TMUB1: variants seen among roughly 807,000 people sequenced by gnomAD.
The protein encoded by TMUB1 is transmembrane and ubiquitin-like domain-containing protein 1.
A neutral mutation model predicts 16.2 loss-of-function variants in TMUB1; 9 were observed. The ratio of observed to expected loss-of-function variants is 0.55; its 90% CI spans 0.33 to 0.97. The LOEUF (loss-of-function observed/expected upper bound fraction) is 0.97. Ranked by LOEUF, TMUB1 falls within the 50% of genes least tolerant of loss-of-function variation. TMUB1 has a pLI of 0.03. For synonymous variants in TMUB1, 155 were observed against 152.2 expected, an observed-to-expected ratio of 1.02 and a Z score of -0.13; for missense variants, 309 against 313.5, an observed-to-expected ratio of 0.99 and a Z score of 0.11.
At position 151,081,923 on chromosome 7, in the gene TMUB1, AAG is replaced by A. The variant is rs1563394101; in HGVS notation, c.390-25_390-24del. 1.4e-6 allele frequency: 2 copies of A among 1,464,478 alleles called. No homozygotes were observed. The allele number at this position is 1,464,478 out of a possible 1,614,324, so 90.7% of individuals were successfully genotyped here. Reference sequence around the variant, plus strand: ...GTCCTGAGGAGAGAGGGACCTGGGTAAGAGAGCAGGCCTCAGGCAATCCTAGT... The same window carrying A: ...GTCCTGAGGAGAGAGGGACCTGGGTAAGAGCAGGCCTCAGGCAATCCTAGT... On this transcript the variant is annotated intron_variant, in intron 2 of 2. Coordinates refer to ENST00000297533, the MANE Select transcript of TMUB1 (RefSeq NM_001136044.2). This position sits in a 1 kb window ranked among gnomAD's most constrained non-coding sequence, Gnocchi z 7.6.
In TMUB1 at chr7:151,082,518, A is replaced by G; in HGVS notation, c.46T>C (p.Ser16Pro). The G allele has an allele frequency of 6.5e-7, 1 of 1,541,320 alleles. No individual in the cohort carries two copies. The highest frequency in any genetic ancestry group is 8.7e-7 in the Non-Finnish European group (1 of 1,143,324). ...AGCACCAGAAGGCAGGCAAGCACCGAGAAAAGGACGGTCACCTCATCACCC... is the reference window on the plus strand; with the variant it reads ...AGCACCAGAAGGCAGGCAAGCACCGGGAAAAGGACGGTCACCTCATCACCC... The part of the protein sequence containing the change: ...GVGDEVTVLF[S>P]VLACLLVLAL... Residue 16 changes from serine to proline, a missense_variant, in exon 2 of 3, where the codon TCG becomes CCG. Physicochemically the swap from Ser to Pro is moderately conservative, Grantham distance 74 (BLOSUM62 -1). Coordinates refer to ENST00000297533, the MANE Select transcript of TMUB1 (RefSeq NM_001136044.2). This position sits in a 1 kb window ranked among gnomAD's most constrained non-coding sequence, Gnocchi z 7.0.
rs1049910773 is a variant in TMUB1, at chr7:151,082,216, C to T, written c.348G>A (p.Val116=). ...TGGTGTCGTGGGGCCAGGCCCTGGC[C>T]ACCTGCTCTGAATCATTGAGGAATT... is the stretch of plus-strand genomic sequence containing the variant. ...RLKFLNDSEQ[V]ARAWPHDTIG... is the part of the protein sequence containing the mutation. The change falls in exon 2 of 3, where the codon GTG becomes GTA. Residue 116 remains valine (V), a synonymous_variant. Transcript: ENST00000297533. This position sits in a 1 kb window ranked among gnomAD's most constrained non-coding sequence, Gnocchi z 7.0. 6.5e-7 allele frequency: 1 copy of T among 1,532,036 alleles called. No homozygotes were observed. Among genetic ancestry groups the T allele is most frequent in the Non-Finnish European group, 8.8e-7 (1 of 1,138,458 alleles). 94.9% of individuals were successfully genotyped at this position (1,532,036 alleles called of 1,614,324 possible).
Position 151,082,448 on chromosome 7 carries a change from G to A in TMUB1, c.116C>T (p.Pro39Leu). The A allele has an allele frequency of 1.2e-6, 2 of 1,608,902 alleles. No individual in the cohort carries two copies. Among genetic ancestry groups the A allele is most frequent in the Non-Finnish European group, 1.7e-6 (2 of 1,177,274 alleles). ...VSTHTAEGGD[P>L]LPQPSGTPTP... is the part of the protein sequence containing the mutation. Reference sequence around the variant, plus strand: ...TGGGGTCCCTGACGGCTGGGGCAGTGGGTCCCCGCCCTCAGCGGTGTGCGT... The same window carrying A: ...TGGGGTCCCTGACGGCTGGGGCAGTAGGTCCCCGCCCTCAGCGGTGTGCGT... Residue 39 changes from proline (P) to leucine (L), a missense_variant, in exon 2 of 3, where the codon CCA becomes CTA. Physicochemically the swap from Pro to Leu is moderately conservative, Grantham distance 98. Coordinates refer to ENST00000297533, the MANE Select transcript of TMUB1 (RefSeq NM_001136044.2). The surrounding 1 kb of genome is among the most constrained non-coding windows in gnomAD (Gnocchi z 7.0).
In TMUB1 at chr7:151,082,188, C is replaced by T. The variant is rs1355911083; in HGVS notation, c.376G>A (p.Gly126Ser). 2.0e-6 allele frequency: 3 copies of T among 1,511,794 alleles called. No individual in the cohort carries two copies. The highest frequency in any genetic ancestry group is 2.7e-6 in the Non-Finnish European group (3 of 1,128,960). The allele number at this position is 1,511,794 out of a possible 1,614,324, so 93.6% of individuals were successfully genotyped here. A position where few individuals can be genotyped will look rare whatever the true frequency, so the allele number is the denominator to read the frequency against. The change falls in exon 2 of 3, where the codon GGC becomes AGC. Residue 126 changes from glycine to serine, a missense_variant. By Grantham distance (56) the Gly-to-Ser change is moderately conservative. Coordinates refer to ENST00000297533, the MANE Select transcript of TMUB1 (RefSeq NM_001136044.2). The surrounding 1 kb of genome is among the most constrained non-coding windows in gnomAD (Gnocchi z 7.0). The stretch of plus-strand genomic sequence containing the variant: ...TGACCTACTTACCTTTTCAAGGAGC[C>T]AATGGTGTCGTGGGGCCAGGCCCTG... ...VARAWPHDTI[G>S]SLKRTQFPGR...
Position 151,082,573 on chromosome 7 carries a change from C to G in TMUB1, c.-10G>C, listed in dbSNP as rs762735420. 3 of 1,486,590 alleles carry G rather than the reference C, an allele frequency of 2.0e-6. No individual in the cohort carries two copies. The highest frequency in any genetic ancestry group is 2.7e-6 in the Non-Finnish European group (3 of 1,117,832). The allele number at this position is 1,486,590 out of a possible 1,614,324, so 92.1% of individuals were successfully genotyped here. A position where few individuals can be genotyped will look rare whatever the true frequency, so the allele number is the denominator to read the frequency against. On this transcript the variant is annotated 5_prime_UTR_variant, in exon 2 of 3. Coordinates refer to ENST00000297533, the MANE Select transcript of TMUB1 (RefSeq NM_001136044.2). This position sits in a 1 kb window ranked among gnomAD's most constrained non-coding sequence, Gnocchi z 7.0. Reference sequence around the variant, plus strand: ...CTTCAATCAGGGTCATGGCGCCTGCCTTGCCCGCCGCGCTACCGAGCTGGA... The same window carrying G: ...CTTCAATCAGGGTCATGGCGCCTGCGTTGCCCGCCGCGCTACCGAGCTGGA...
In TMUB1 at chr7:151,083,423, C is replaced by G. The variant is rs1438073923; in HGVS notation, c.-31+11G>C. 1 of 152,166 alleles carries G rather than the reference C, an allele frequency of 6.6e-6. No individual in the cohort carries two copies. The highest frequency in any genetic ancestry group is 1.5e-5 in the Non-Finnish European group (1 of 68,018). 9.4% of individuals were successfully genotyped at this position (152,166 alleles called of 1,614,324 possible). A position where few individuals can be genotyped will look rare whatever the true frequency, so the allele number is the denominator to read the frequency against. On this transcript the variant is annotated intron_variant, in intron 1 of 2. Transcript: ENST00000297533. This position sits in a 1 kb window ranked among gnomAD's most constrained non-coding sequence, Gnocchi z 5.9. ...CGGCGGGGTGGGCGCGGTCACGGCG[C>G]GGGGACTCACCGCCCGGCTCCCCCA... is the stretch of plus-strand genomic sequence containing the variant.
chr7:151,082,615 G>A lies in TMUB1; in HGVS notation c.-30-22C>T. On this transcript the variant is annotated intron_variant, in intron 1 of 2. Coordinates refer to ENST00000297533, the MANE Select transcript of TMUB1 (RefSeq NM_001136044.2). The surrounding 1 kb of genome is among the most constrained non-coding windows in gnomAD (Gnocchi z 7.0). Reference sequence around the variant, plus strand: ...CGAGCTGGAGAGGCACAAAGAGCCCGTGAGGCCCGGGCCCCCTGGCCAGGA... The same window carrying A: ...CGAGCTGGAGAGGCACAAAGAGCCCATGAGGCCCGGGCCCCCTGGCCAGGA... 6.9e-7 allele frequency: 1 copy of A among 1,455,574 alleles called. No individual in the cohort carries two copies. Among genetic ancestry groups the A allele is most frequent in the Non-Finnish European group, 9.1e-7 (1 of 1,103,330 alleles). 90.2% of individuals were successfully genotyped at this position (1,455,574 alleles called of 1,614,324 possible).
rs1482204546 is a variant in TMUB1 at position 151,081,278 on chromosome 7, C to T, written c.*271G>A. On this transcript the variant is annotated 3_prime_UTR_variant, in exon 3 of 3. Transcript: ENST00000297533. The surrounding 1 kb of genome is among the most constrained non-coding windows in gnomAD (Gnocchi z 7.6). ...CGGGGCGGCCCGGCTCTGCCCGGGG[C>T]CGAGGCAGCGACAGCAGATGCCCGA... 11 of 336,144 alleles carry T rather than the reference C, an allele frequency of 3.3e-5. No individual in the cohort carries two copies. The highest frequency in any genetic ancestry group is 4.2e-5 in the Non-Finnish European group (9 of 213,254). 20.8% of individuals were successfully genotyped at this position (336,144 alleles called of 1,614,324 possible).
chr7:151,081,808 A>G lies in TMUB1; in HGVS notation c.482T>C (p.Leu161Pro). 1 of 1,571,374 alleles carries G rather than the reference A, an allele frequency of 6.4e-7. No individual in the cohort carries two copies. ...GCAGTGGAGAACGCAGTTGGGAGGG[A>G]GGTGAAGGCTGCCCAGGGTCTGGGT... Reference protein sequence around the residue: ...DDTQTLGSLHLPPNCVLHCHV... With the variant: ...DDTQTLGSLHPPPNCVLHCHV... The change falls in exon 3 of 3, where the codon CTC (leucine) becomes CCC (proline). Residue 161 changes from leucine (L) to proline (P), a missense_variant. Leu to Pro is a moderately conservative substitution (Grantham distance 98). Coordinates refer to ENST00000297533, the MANE Select transcript of TMUB1 (RefSeq NM_001136044.2). This position sits in a 1 kb window ranked among gnomAD's most constrained non-coding sequence, Gnocchi z 7.6.
Position 151,082,282 on chromosome 7 carries a change from T to C in TMUB1, c.282A>G (p.Pro94=). ...GGGGCTCCTGCGGGGAGTCCGGGGC[T>C]GGCGGTGTTGCTGTGAACCCCGTGC... ...EPSTGFTATP[P]APDSPQEPLV... Residue 94 remains proline (P), a synonymous_variant, in exon 2 of 3, where the codon CCA becomes CCG. Transcript: ENST00000297533. This position sits in a 1 kb window ranked among gnomAD's most constrained non-coding sequence, Gnocchi z 7.0. The C allele has an allele frequency of 6.3e-7, 1 of 1,593,906 alleles. No homozygotes were observed. Among genetic ancestry groups the C allele is most frequent in the Admixed American group, 1.7e-5 (1 of 57,450 alleles).
rs1563392233 is a variant in TMUB1 at position 151,081,528 on chromosome 7, T to A, written c.*21A>T. ...CAAGGTCCGGAGGGGCCGGCGACGC[T>A]GCCAAGCGCCCGCGGAGGCACTACG... On this transcript the variant is annotated 3_prime_UTR_variant, in exon 3 of 3. Coordinates refer to ENST00000297533, the MANE Select transcript of TMUB1 (RefSeq NM_001136044.2). This position sits in a 1 kb window ranked among gnomAD's most constrained non-coding sequence, Gnocchi z 7.6. The A allele has an allele frequency of 6.5e-7, 1 of 1,542,276 alleles. No homozygotes were observed. The highest frequency in any genetic ancestry group is 8.8e-7 in the Non-Finnish European group (1 of 1,141,850).
Position 151,082,770 on chromosome 7 carries a change from G to C in TMUB1, c.-30-177C>G. 2.3e-6 allele frequency: 1 copy of C among 439,284 alleles called. No homozygotes were observed. The highest frequency in any genetic ancestry group is 3.8e-6 in the Non-Finnish European group (1 of 260,026). 27.2% of individuals were successfully genotyped at this position (439,284 alleles called of 1,614,324 possible). A position where few individuals can be genotyped will look rare whatever the true frequency, so the allele number is the denominator to read the frequency against. ...CCAGTCGCCCCAAACTTGCCTCCGG[G>C]TGCCCCTTCCCATCGCCGAATCCCA... On this transcript the variant is annotated intron_variant, in intron 1 of 2. Transcript: ENST00000297533. The surrounding 1 kb of genome is among the most constrained non-coding windows in gnomAD (Gnocchi z 7.0).
In TMUB1 at chr7:151,081,436, C is replaced by T; in HGVS notation, c.*113G>A. ...TGCGGCGCAGGGCTGGGCTCCAGGG[C>T]GGCGGGAAGAGGCAGGCCGGAGAGG... On this transcript the variant is annotated 3_prime_UTR_variant, in exon 3 of 3. Transcript: ENST00000297533. This position sits in a 1 kb window ranked among gnomAD's most constrained non-coding sequence, Gnocchi z 7.6. 2 of 1,359,958 alleles carry T rather than the reference C, an allele frequency of 1.5e-6. No individual in the cohort carries two copies. The highest frequency in any genetic ancestry group is 1.9e-6 in the Non-Finnish European group (2 of 1,057,220). 84.2% of individuals were successfully genotyped at this position (1,359,958 alleles called of 1,614,324 possible).
rs759825502 is a variant in TMUB1, at chr7:151,082,243, C to G, written c.321G>C (p.Leu107=). 6.4e-7 allele frequency: 1 copy of G among 1,553,860 alleles called. No homozygotes were observed. The highest frequency in any genetic ancestry group is 8.7e-7 in the Non-Finnish European group (1 of 1,149,514). The change falls in exon 2 of 3, where the codon CTG becomes CTC. Residue 107 remains leucine (L), a synonymous_variant. Coordinates refer to ENST00000297533, the MANE Select transcript of TMUB1 (RefSeq NM_001136044.2). The surrounding 1 kb of genome is among the most constrained non-coding windows in gnomAD (Gnocchi z 7.0). ...CCTGCTCTGAATCATTGAGGAATTT[C>G]AGCCGTAGCACGAGGGGCTCCTGCG... ...DSPQEPLVLR[L]KFLNDSEQVA...
At position 151,082,260 on chromosome 7, in the gene TMUB1, G is replaced by T; in HGVS notation, c.304C>A (p.Pro102Thr). The change falls in exon 2 of 3, where the codon CCC becomes ACC. Residue 102 changes from proline to threonine, a missense_variant. Coordinates refer to ENST00000297533, the MANE Select transcript of TMUB1 (RefSeq NM_001136044.2). The surrounding 1 kb of genome is among the most constrained non-coding windows in gnomAD (Gnocchi z 7.0). ...AGGAATTTCAGCCGTAGCACGAGGG[G>T]CTCCTGCGGGGAGTCCGGGGCTGGC... ...TPPAPDSPQE[P>T]LVLRLKFLND... 3 of 1,573,284 alleles carry T rather than the reference G, an allele frequency of 1.9e-6. No homozygotes were observed. Among genetic ancestry groups the T allele is most frequent in the Non-Finnish European group, 2.6e-6 (3 of 1,158,420 alleles).
At position 151,082,083 on chromosome 7, in the gene TMUB1, G is replaced by A. The variant is rs910540307; in HGVS notation, c.389+92C>T. The A allele has an allele frequency of 2.8e-5, 41 of 1,461,966 alleles. No individual in the cohort carries two copies. The highest frequency in any genetic ancestry group is 3.6e-5 in the Non-Finnish European group (40 of 1,102,610). The allele number at this position is 1,461,966 out of a possible 1,614,324, so 90.6% of individuals were successfully genotyped here. On this transcript the variant is annotated intron_variant, in intron 2 of 2. Coordinates refer to ENST00000297533, the MANE Select transcript of TMUB1 (RefSeq NM_001136044.2). The surrounding 1 kb of genome is among the most constrained non-coding windows in gnomAD (Gnocchi z 7.0). ...GGCGCTCAGCGCCTCCAGTATAAAGGAGGGCTGGGTCTTAGGTGTCTCTGG... is the reference window on the plus strand; with the variant it reads ...GGCGCTCAGCGCCTCCAGTATAAAGAAGGGCTGGGTCTTAGGTGTCTCTGG...
rs1337160833 is a variant in TMUB1 at position 151,081,367 on chromosome 7, C to G, written c.*182G>C. 1 of 1,136,352 alleles carries G rather than the reference C, an allele frequency of 8.8e-7. No homozygotes were observed. The highest frequency in any genetic ancestry group is 1.1e-6 in the Non-Finnish European group (1 of 908,696). The allele number at this position is 1,136,352 out of a possible 1,614,324, so 70.4% of individuals were successfully genotyped here. ...CAGCCCCGGGAGGTGGCCCCGAGCC[C>G]CGGCGGTCGCAGGGCGGGGCCTCCG... On this transcript the variant is annotated 3_prime_UTR_variant, in exon 3 of 3. Transcript: ENST00000297533. This position sits in a 1 kb window ranked among gnomAD's most constrained non-coding sequence, Gnocchi z 7.6.
Position 151,081,606 on chromosome 7 carries a change from G to A in TMUB1, c.684C>T (p.Gly228=), listed in dbSNP as rs1481464674. ...TGAGGAGCAGGGTGAAGCCGGCCAG[G>A]CCCAGAGTGGCGGTCAGGGGAAAGA... ...RPFFPLTATL[G]LAGFTLLLSL... is the part of the protein sequence containing the mutation. Residue 228 remains glycine, a synonymous_variant, in exon 3 of 3, where the codon GGC becomes GGT. Transcript: ENST00000297533. This position sits in a 1 kb window ranked among gnomAD's most constrained non-coding sequence, Gnocchi z 7.6. 6 of 1,608,330 alleles carry A rather than the reference G, an allele frequency of 3.7e-6. No homozygotes were observed. The South Asian group carries it at 6.7e-5, about 18-fold the overall frequency.
chr7:151,081,854 C>A lies in TMUB1; in HGVS notation c.436G>T (p.Gly146Trp). The A allele has an allele frequency of 6.6e-7, 1 of 1,518,032 alleles. No individual in the cohort carries two copies. 94.0% of individuals were successfully genotyped at this position (1,518,032 alleles called of 1,614,324 possible). A position where few individuals can be genotyped will look rare whatever the true frequency, so the allele number is the denominator to read the frequency against. Residue 146 changes from glycine to tryptophan, a missense_variant, in exon 3 of 3, where the codon GGG becomes TGG. Transcript: ENST00000297533. This position sits in a 1 kb window ranked among gnomAD's most constrained non-coding sequence, Gnocchi z 7.6. ...TGGGTGTCGTCGCCTAGCAGCTGCC[C>A]TTGGTAGATGAGTCGCACCTGCTGT... The part of the protein sequence containing the change: ...REQQVRLIYQ[G>W]QLLGDDTQTL...
Sources: allele counts gnomAD v4.1 joint callset, GRCh38; gene constraint gnomAD v4.1.1; non-coding constraint Gnocchi (gnomAD v3.1); transcripts MANE v1.5; gene names NCBI Gene and HGNC (gene_info 2026-07-23, HGNC 2026-07-21).